SGCD: variants seen among roughly 807,000 people sequenced by gnomAD.
The protein encoded by SGCD is delta-sarcoglycan.
SGCD carries 18 observed loss-of-function variants against 36.6 expected under a neutral mutation model. The ratio of observed to expected loss-of-function variants is 0.49; its 90% CI spans 0.34 to 0.73. The LOEUF (loss-of-function observed/expected upper bound fraction) is 0.73. SGCD is among the 30% of genes least tolerant of loss of function. The pLI, the probability that SGCD is intolerant of heterozygous loss-of-function variation, is 0.01. For missense variants in SGCD, 387 were observed against 346.7 expected (o/e 1.12, Z -0.92); for synonymous variants, 133 against 130.6 (o/e 1.02, Z -0.12).
At chr5:156,331,865 G>A (rs1343033379) in intron 2 of SGCD, among the ~76,000 whole-genome samples, 8 of 152,148 alleles carry the variant, frequency 5.3e-5, no homozygotes, top group East Asian at 1.9e-4. Context: ...TAAGGACAGC[G>A]GGGAACAGAG....
At chr5:156,072,957 C>A (rs1454173669) in intron 1 of SGCD, among the ~76,000 whole-genome samples, 2 of 152,172 alleles carry the variant, frequency 1.3e-5, no homozygotes, top group Non-Finnish European at 2.9e-5. Flanking sequence ...TCACGTAGTT[C>A]TCGAGCCTTG....
intron 7 of SGCD, among the ~76,000 whole-genome samples, chr5:156,748,976 G>T (rs1004766807): frequency 5.9e-5 from 9 of 151,952 alleles, no homozygotes; most frequent in African/African-American, 2.2e-4. Context: ...TGTTGGCCAG[G>T]CTGGTCTCGA....
chr5:155,980,533 A>C (rs1430992324), intron 1 of SGCD, among the ~76,000 whole-genome samples: 1 of 134,976 alleles, frequency 7.4e-6, no homozygotes, highest in Non-Finnish European at 1.6e-5. Context: ...GCTTGCAGTG[A>C]GCCGAGATCT....
intron 7 of SGCD, among the ~76,000 whole-genome samples, chr5:156,744,708 C>T (rs1756862668): frequency 6.6e-6 from 1 of 152,196 alleles, no homozygotes; most frequent in Non-Finnish European, 1.5e-5. Flanking sequence ...TCTAATGGAG[C>T]CATGATCAAC....
At chr5:155,960,965 G>T (rs575367036) in intron 1 of SGCD, among the ~76,000 whole-genome samples, 8 of 152,016 alleles carry the variant, frequency 5.3e-5, no homozygotes, top group Non-Finnish European at 1.2e-4. Context: ...TTGATCATGC[G>T]ATCACGACAG....
In SGCD at chr5:156,619,248, A is replaced by T. The variant is rs143276689; in HGVS notation, c.502+24197A>T. ...CACCGTGTTAACCAGGATGGTCTCC[A>T]TCTCCTGACCTCATGATCTGCCCAC... On this transcript the variant is annotated intron_variant, in intron 6 of 8. Transcript: ENST00000337851. 6.3e-3 allele frequency among the ~76,000 whole-genome samples: 966 copies of T among 152,286 alleles called. 9 individuals carry two copies. The highest frequency in any genetic ancestry group is 0.022 in the African/African-American group (909 of 41,562).
chr5:155,975,456 A>G (rs1028352921), intron 1 of SGCD, among the ~76,000 whole-genome samples: 3 of 152,080 alleles, frequency 2.0e-5, no homozygotes, highest in Admixed American at 2.0e-4. Context: ...AAAAATATCA[A>G]CAGTGCTGAG....
intron 3 of SGCD, among the ~76,000 whole-genome samples, chr5:156,292,105 G>A (rs1766773402): frequency 6.6e-6 from 1 of 152,014 alleles, no homozygotes; most frequent in South Asian, 2.1e-4. Flanking sequence ...ATCTTTCTGT[G>A]TCTGGCTTAT....
the SGCD span, among the ~76,000 whole-genome samples, chr5:155,812,761 T>C: frequency 6.6e-6 from 1 of 152,138 alleles, no homozygotes; most frequent in Admixed American, 6.5e-5. Flanking sequence ...CACTCATTAT[T>C]TGGGGGTATT....
At chr5:155,806,257 C>T in the SGCD span, among the ~76,000 whole-genome samples, 54 of 152,262 alleles carry the variant, frequency 3.5e-4, no homozygotes, top group African/African-American at 1.2e-3. Flanking sequence ...TGGGTTCAAG[C>T]GATTCTCCTG....
At chr5:155,923,300 T>C (rs1263085622) in intron 1 of SGCD, among the ~76,000 whole-genome samples, 2 of 152,216 alleles carry the variant, frequency 1.3e-5, no homozygotes, top group African/African-American at 4.8e-5. Context: ...GAAATGTATT[T>C]TGTTAATGGT....
intron 3 of SGCD, among the ~76,000 whole-genome samples, chr5:156,376,830 A>G (rs1770696500): frequency 6.6e-6 from 1 of 152,184 alleles, no homozygotes; most frequent in South Asian, 2.1e-4. Flanking sequence ...CTATTAAAAT[A>G]ATTTAATACA....
intron 1 of SGCD, among the ~76,000 whole-genome samples, chr5:155,908,414 T>C (rs1756566996): frequency 6.6e-6 from 1 of 152,180 alleles, no homozygotes; most frequent in Non-Finnish European, 1.5e-5. Flanking sequence ...CATGAATATT[T>C]ATTGAATGAA....
intron 3 of SGCD, among the ~76,000 whole-genome samples, chr5:156,502,364 TAG>T (rs1256704576): frequency 6.6e-6 from 1 of 151,960 alleles, no homozygotes; most frequent in African/African-American, 2.4e-5. Flanking sequence ...TTAATTTTTT[TAG>T]AGAGAGGATT....
intron 3 of SGCD, among the ~76,000 whole-genome samples, chr5:156,474,458 G>A (rs1002665929): frequency 2.6e-5 from 4 of 152,058 alleles, no homozygotes; most frequent in African/African-American, 7.2e-5. Context: ...ACTCCTTAGC[G>A]CTTCTATAGC....
intron 1 of SGCD, among the ~76,000 whole-genome samples, chr5:156,105,465 C>T (rs1235619155): frequency 6.6e-6 from 1 of 152,130 alleles, no homozygotes; most frequent in African/African-American, 2.4e-5. Flanking sequence ...GTAAATTTAA[C>T]TTTTCAATTA....
intron 1 of SGCD, among the ~76,000 whole-genome samples, chr5:156,039,343 A>G (rs777712361): frequency 1.6e-4 from 25 of 152,122 alleles, no homozygotes; most frequent in Middle Eastern, 3.4e-3. Flanking sequence ...GCTGTTTGCT[A>G]TTTTTATCTC....
At chr5:156,611,991 A>G (rs752164251) in intron 6 of SGCD, among the ~76,000 whole-genome samples, 13 of 152,046 alleles carry the variant, frequency 8.6e-5, no homozygotes, top group Non-Finnish European at 1.3e-4. Flanking sequence ...ATTTCATTGA[A>G]TTGGTGGTCT....
At chr5:156,132,171 G>T (rs1392603346) in intron 3 of SGCD, among the ~76,000 whole-genome samples, 1 of 152,102 alleles carries the variant, frequency 6.6e-6, no homozygotes, top group African/African-American at 2.4e-5. Context: ...CATCACTGAG[G>T]GTGGGGAGAT....
Sources: gnomAD v4.1 joint callset for allele counts (sites outside exome capture counted in the v4.1 genomes callset) on GRCh38, gnomAD v4.1.1 for gene constraint, MANE v1.5 for transcripts, NCBI Gene and HGNC (gene_info 2026-07-23, HGNC 2026-07-21) for gene names.